CTNND1: variants seen among roughly 807,000 people sequenced by gnomAD.
CTNND1 encodes the protein catenin delta-1.
Under a neutral mutation model 112.1 loss-of-function variants are expected in CTNND1, and 16 were observed. The ratio of observed to expected loss-of-function variants is 0.14; its 90% confidence interval spans 0.10 to 0.22. CTNND1 has a LOEUF of 0.22. Ranked by LOEUF, CTNND1 falls within the 10% of genes least tolerant of loss-of-function variation. The pLI is 1.00. For synonymous variants in CTNND1, 420 were observed against 446.5 expected (o/e 0.94, Z 0.75); for missense variants, 1,008 against 1,257.0 (o/e 0.80, Z 3.00).
intron 1 of CTNND1, among the ~76,000 whole-genome samples, chr11:57,777,812 C>T (rs2059171584): frequency 6.6e-6 from 1 of 152,150 alleles, no homozygotes; most frequent in African/African-American, 2.4e-5. Flanking sequence ...GGGAATTGAG[C>T]CCTTTGGGCA....
At chr11:57,798,887 C>G (rs2061676934) in intron 6 of CTNND1, among the ~76,000 whole-genome samples, 1 of 152,092 alleles carries the variant, frequency 6.6e-6, no homozygotes, top group Admixed American at 6.6e-5. Context: ...CATGGGCTGC[C>G]AATGCTGCTT....
chr11:57,779,306 G>T (rs1205895354), intron 1 of CTNND1, among the ~76,000 whole-genome samples: 1 of 152,188 alleles, frequency 6.6e-6, no homozygotes, highest in Admixed American at 6.5e-5. Flanking sequence ...GAGAATGGTT[G>T]GTAGTTTCCT....
intron 9 of CTNND1, 134 bp from the exon 10 acceptor site, chr11:57,805,748 G>C: frequency 4.0e-6 from 4 of 995,946 alleles, no homozygotes; most frequent in Non-Finnish European, 5.8e-6. Context: ...CACTTAAGAG[G>C]CATCCTGAGA....
At chr11:57,815,220 G>T (rs893822701) in intron 18 of CTNND1, among the ~76,000 whole-genome samples, 174 bp from the exon 19 acceptor site, 1 of 152,100 alleles carries the variant, frequency 6.6e-6, no homozygotes, top group Admixed American at 6.6e-5. Flanking sequence ...GAGCCACCAC[G>T]GTCAGCCAGA....
intron 7 of CTNND1, 31 bp from the exon 8 acceptor site, chr11:57,803,590 C>G (rs749146263): frequency 2.6e-6 from 4 of 1,567,498 alleles, no homozygotes; most frequent in Non-Finnish European, 3.5e-6. Flanking sequence ...CTTGAATGCT[C>G]AAGAGCCATC....
In CTNND1 at chr11:57,819,333, A is replaced by G. The variant is rs1235183920; in HGVS notation, c.*3025A>G. On this transcript the variant is annotated 3_prime_UTR_variant, in exon 21 of 21. Coordinates refer to ENST00000399050, the MANE Select transcript of CTNND1 (RefSeq NM_001085458.2). ...GGTTGAAGTACAAAGCCAAAAAGCT[A>G]TTAAGAGTTTACTTTCCAAAGAGTT... 2 of 152,358 alleles carry G rather than the reference A, an allele frequency of 1.3e-5. No homozygotes were observed. The highest frequency in any genetic ancestry group is 4.8e-5 in the African/African-American group (2 of 41,588). 9.4% of individuals were successfully genotyped at this position (152,358 alleles called of 1,614,324 possible). A position where few individuals can be genotyped will look rare whatever the true frequency, so the allele number is the denominator to read the frequency against.
At chr11:57,797,626 T>C (rs2061494320) in intron 6 of CTNND1, among the ~76,000 whole-genome samples, 1 of 144,270 alleles carries the variant, frequency 6.9e-6, no homozygotes, top group Admixed American at 6.8e-5. Flanking sequence ...GTGGATCACC[T>C]GAGGTCCGGA....
At chr11:57,786,062 A>G (rs1358611494) in intron 1 of CTNND1, among the ~76,000 whole-genome samples, 1 of 152,062 alleles carries the variant, frequency 6.6e-6, no homozygotes, top group Non-Finnish European at 1.5e-5. Flanking sequence ...TGTGGGTGGG[A>G]TCCAGTAATG....
intron 1 of CTNND1, among the ~76,000 whole-genome samples, chr11:57,769,532 A>G (rs1336958183): frequency 3.3e-5 from 5 of 149,282 alleles, no homozygotes; most frequent in Non-Finnish European, 6.0e-5. Context: ...TCTTCTACCA[A>G]TTCTCCTGTA....
intron 13 of CTNND1, 26 bp downstream of exon 13, chr11:57,808,318 G>A: frequency 6.2e-7 from 1 of 1,601,302 alleles, no homozygotes. Flanking sequence ...GGGATTTGGA[G>A]ATGGGAAAAC....
chr11:57,802,164 C>T lies in CTNND1; in HGVS notation c.1388C>T (p.Ala463Val). 1 of 1,613,590 alleles carries T rather than the reference C, an allele frequency of 6.2e-7. No homozygotes were observed. The highest frequency in any genetic ancestry group is 2.2e-5 in the East Asian group (1 of 44,882). ...VPALVRLLRK[A>V]RDMDLTEVIT... The stretch of plus-strand genomic sequence containing the variant: ...GCCCTTGTGCGATTGCTTCGAAAGG[C>T]TCGTGATATGGACCTTACTGAAGTT... The change falls in exon 7 of 21, where the codon GCT (alanine) becomes GTT (valine). Residue 463 changes from alanine (A) to valine (V), a missense_variant. Around this residue, in one of 5 missense-constraint regions of CTNND1, gnomAD observed 216 missense variants for 342.8 expected, o/e 0.63. Transcript: ENST00000399050.
At chr11:57,804,892 A>T in intron 9 of CTNND1, 112 bp downstream of exon 9, 6 of 761,754 alleles carry the variant, frequency 7.9e-6, no homozygotes, top group Non-Finnish European at 1.1e-5. Context: ...TTAAATATTT[A>T]TACTGTCCCC....
chr11:57,804,589 T>C, intron 8 of CTNND1, 74 bp from the exon 9 acceptor site: 2 of 1,071,378 alleles, frequency 1.9e-6, no homozygotes, highest in Non-Finnish European at 2.8e-6. Flanking sequence ...TTCAGGAATC[T>C]TGTAGGTGTT....
In CTNND1 at chr11:57,796,983, G is replaced by A. The variant is rs2136931741; in HGVS notation, c.947G>A (p.Arg316Gln). 6 of 1,467,498 alleles carry A rather than the reference G, an allele frequency of 4.1e-6. No homozygotes were observed. The highest frequency in any genetic ancestry group is 2.3e-5 in the East Asian group (1 of 43,340). The allele number at this position is 1,467,498 out of a possible 1,614,324, so 90.9% of individuals were successfully genotyped here. A position where few individuals can be genotyped will look rare whatever the true frequency, so the allele number is the denominator to read the frequency against. Residue 316 changes from arginine to glutamine, a missense_variant, in exon 6 of 21, where the codon CGG becomes CAG. Physicochemically the swap from Arg to Gln is conservative, Grantham distance 43 (BLOSUM62 1). Coordinates refer to ENST00000399050, the MANE Select transcript of CTNND1 (RefSeq NM_001085458.2). ...ACTGGGACACCCTCTGACCCTCGTC[G>A]GCGCCTCAGGTAGGCAAGAATAGGG... ...RRTGTPSDPR[R>Q]RLRSYEDMIG...
rs985359926 is a variant in CTNND1, at chr11:57,808,221, G to A, written c.2020G>A (p.Glu674Lys). The change falls in exon 13 of 21, where the codon GAG becomes AAG. Residue 674 changes from glutamate to lysine, a missense_variant. Coordinates refer to ENST00000399050, the MANE Select transcript of CTNND1 (RefSeq NM_001085458.2). Reference sequence around the variant, plus strand: ...TCGGATATACATCTCACTTCTTAAGGAGAGCAAGACTCCTGCCATCCTAGA... The same window carrying A: ...TCGGATATACATCTCACTTCTTAAGAAGAGCAAGACTCCTGCCATCCTAGA... The part of the protein sequence containing the change: ...VVRIYISLLK[E>K]SKTPAILEAS... The A allele has an allele frequency of 6.2e-7, 1 of 1,613,774 alleles. No individual in the cohort carries two copies. The highest frequency in any genetic ancestry group is 8.5e-7 in the Non-Finnish European group (1 of 1,179,758).
intron 1 of CTNND1, among the ~76,000 whole-genome samples, chr11:57,771,022 G>C (rs76853373): frequency 6.6e-6 from 1 of 152,036 alleles, no homozygotes; most frequent in African/African-American, 2.4e-5. Context: ...CCTCTTGGAT[G>C]TCTACCGTGC....
chr11:57,765,523 G>C (rs1950847229), intron 1 of CTNND1, among the ~76,000 whole-genome samples: 1 of 139,358 alleles, frequency 7.2e-6, no homozygotes, highest in African/African-American at 2.7e-5. Flanking sequence ...CTGGAGTGCA[G>C]TGGTGAAATC....
At chr11:57,807,251 A>G (rs1213633576) in intron 12 of CTNND1, among the ~76,000 whole-genome samples, 1 of 152,206 alleles carries the variant, frequency 6.6e-6, no homozygotes, top group African/African-American at 2.4e-5. Context: ...GGAACCATAA[A>G]TGGCCACTGT....
intron 1 of CTNND1, among the ~76,000 whole-genome samples, chr11:57,780,079 G>C (rs1459137617): frequency 8.0e-6 from 1 of 124,578 alleles, no homozygotes; most frequent in Non-Finnish European, 1.8e-5. Context: ...TTTGAGACAG[G>C]GTCTTACTCT....
Sources: gnomAD v4.1 joint callset for allele counts (sites outside exome capture counted in the v4.1 genomes callset) on GRCh38, gnomAD v4.1.1 for gene constraint, gnomAD v4.1.1 regional missense constraint, MANE v1.5 for transcripts, NCBI Gene and HGNC (gene_info 2026-07-23, HGNC 2026-07-21) for gene names.